The following GDF1 variants were observed in gnomAD, a reference collection of about 807,000 sequenced individuals.
GDF1 encodes growth differentiation factor 1, also known as embryonic growth/differentiation factor 1.
Under a neutral mutation model 7.4 loss-of-function variants are expected in GDF1, and 8 were observed. The ratio of observed to expected loss-of-function variants is 1.09; its 90% CI spans 0.64 to 1.96. The LOEUF (loss-of-function observed/expected upper bound fraction) is 1.96, where lower values mean the gene tolerates loss of function less well. GDF1 is among the 30% of genes most tolerant of loss of function. GDF1 has a pLI of 0.00. For missense variants in GDF1, 574 were observed against 551.5 expected, an observed-to-expected ratio of 1.04 and a Z score of -0.41; for synonymous variants, 311 against 276.7, an observed-to-expected ratio of 1.12 and a Z score of -1.23.
At chr19:18,884,327 T>C in intron 2 of GDF1, 60 bp from the exon 3 acceptor site, 1 of 1,492,828 alleles carries the variant, frequency 6.7e-7, no homozygotes, top group East Asian at 2.4e-5. Context: ...ATCGCCTCCA[T>C]GACCCGGTGA....
At position 18,870,301 on chromosome 19, in the gene GDF1, G is replaced by A; in HGVS notation, c.7C>T (p.Pro3Ser). The change falls in exon 7 of 8, where the codon CCG (proline) becomes TCG (serine). Residue 3 changes from proline to serine, a missense_variant. Coordinates refer to ENST00000247005, the MANE Select transcript of GDF1 (RefSeq NM_001492.6). The surrounding 1 kb of genome is among the most constrained non-coding windows in gnomAD (Gnocchi z 5.1). ...TGGCCGCAGGGACCTTGCTGCGGCG[G>A]TGGCATCTTCCTCCCAGGCGATGAC... MP[P>S]PQQGPCGHHL... 2.6e-6 allele frequency: 4 copies of A among 1,546,346 alleles called. No homozygotes were observed. The highest frequency in any genetic ancestry group is 3.5e-6 in the Non-Finnish European group (4 of 1,146,878).
intron 2 of GDF1, among the ~76,000 whole-genome samples, chr19:18,888,521 A>G (rs1016793227): frequency 1.1e-3 from 61 of 56,456 alleles, no homozygotes; most frequent in Admixed American, 4.7e-3. Context: ...CTGTCTCTTA[A>G]AAAAAAAAAA....
At chr19:18,885,374 TC>T (rs201413706) in intron 2 of GDF1, among the ~76,000 whole-genome samples, 5,687 of 151,892 alleles carry the variant, frequency 0.037, 234 homozygotes, top group Admixed American at 0.046. Flanking sequence ...ATAATTTATT[TC>T]TTTTTTAATT....
intron 2 of GDF1, among the ~76,000 whole-genome samples, chr19:18,892,721 G>A (rs1449436067): frequency 6.6e-6 from 1 of 152,070 alleles, no homozygotes; most frequent in Non-Finnish European, 1.5e-5. Flanking sequence ...CCGGGCCTTT[G>A]CACGTGCTGT....
rs2055942565 is a variant in GDF1, at chr19:18,870,224, G to T, written c.84C>A (p.Arg28=). The T allele has an allele frequency of 6.4e-7, 1 of 1,554,354 alleles. No individual in the cohort carries two copies. The highest frequency in any genetic ancestry group is 1.2e-5 in the South Asian group (1 of 84,996). The part of the protein sequence containing the change: ...ALLLPSLPLT[R]APVPPGPAAA... ...CGGCTGGGCCTGGGGGCACGGGGGC[G>T]CGGGTCAGGGGCAGCGAGGGCAGCA... The change falls in exon 7 of 8, where the codon CGC becomes CGA. Residue 28 remains arginine (R), a synonymous_variant. Transcript: ENST00000247005. This position sits in a 1 kb window ranked among gnomAD's most constrained non-coding sequence, Gnocchi z 5.1.
intron 6 of GDF1, among the ~76,000 whole-genome samples, chr19:18,871,763 G>T (rs1029053160): frequency 5.3e-5 from 8 of 152,214 alleles, no homozygotes; most frequent in Non-Finnish European, 1.2e-4. Flanking sequence ...TCTGAGAGGA[G>T]ATAAGCCTTG....
At chr19:18,893,599 C>A in intron 1 of GDF1, 24 bp from the exon 2 acceptor site, 2 of 1,592,936 alleles carry the variant, frequency 1.3e-6, no homozygotes, top group Non-Finnish European at 1.7e-6. Flanking sequence ...GACAGGCGGG[C>A]AGCCATTGGT....
chr19:18,878,830 G>T lies in GDF1; in HGVS notation c.-313+100C>A, dbSNP rs1263058637. The stretch of plus-strand genomic sequence containing the variant: ...AGGCTTGGGGGGCAGCATCCGCGTC[G>T]GCCTCATCTGCTGCTGGGTCTTGGG... On this transcript the variant is annotated intron_variant, in intron 6 of 7. Transcript: ENST00000247005. The surrounding 1 kb of genome is among the most constrained non-coding windows in gnomAD (Gnocchi z 4.6). 6.6e-7 allele frequency: 1 copy of T among 1,524,946 alleles called. No individual in the cohort carries two copies. The highest frequency in any genetic ancestry group is 1.2e-5 in the South Asian group (1 of 82,082). The allele number at this position is 1,524,946 out of a possible 1,614,324, so 94.5% of individuals were successfully genotyped here.
Position 18,895,788 on chromosome 19 carries a change from CG to C in GDF1, c.-1074+35del. On this transcript the variant is annotated intron_variant, in intron 1 of 7. Coordinates refer to ENST00000247005, the MANE Select transcript of GDF1 (RefSeq NM_001492.6). The surrounding 1 kb of genome is among the most constrained non-coding windows in gnomAD (Gnocchi z 6.4). ...TCCCCGGTCCCGGCTTCCCCCAGTC[CG>C]GGGTCCCCTCGTCCCGGCCCCCGGC... is the stretch of plus-strand genomic sequence containing the variant. 4 of 1,152,354 alleles carry C rather than the reference CG, an allele frequency of 3.5e-6. No homozygotes were observed. Among genetic ancestry groups the C allele is most frequent in the East Asian group, 4.0e-5 (1 of 25,120 alleles). The allele number at this position is 1,152,354 out of a possible 1,614,324, so 71.4% of individuals were successfully genotyped here. A position where few individuals can be genotyped will look rare whatever the true frequency, so the allele number is the denominator to read the frequency against.
chr19:18,889,070 T>G (rs1415187887), intron 2 of GDF1, among the ~76,000 whole-genome samples: 1 of 151,666 alleles, frequency 6.6e-6, no homozygotes. Flanking sequence ...TTTTGTATTT[T>G]TAGTAGAGAC....
Position 18,870,741 on chromosome 19 carries a change from C to T in GDF1, c.-312-122G>A. 2.2e-6 allele frequency: 1 copy of T among 450,516 alleles called. No homozygotes were observed. The highest frequency in any genetic ancestry group is 6.2e-5 in the South Asian group (1 of 16,104). The allele number at this position is 450,516 out of a possible 1,614,324, so 27.9% of individuals were successfully genotyped here. On this transcript the variant is annotated intron_variant, in intron 6 of 7. Coordinates refer to ENST00000247005, the MANE Select transcript of GDF1 (RefSeq NM_001492.6). This position sits in a 1 kb window ranked among gnomAD's most constrained non-coding sequence, Gnocchi z 5.1. ...TCCTTTTACCCGGCCAGGCCCGGGC[C>T]TCGCCTTGTGGCTTCCTCCTCGCCT...
intron 6 of GDF1, among the ~76,000 whole-genome samples, chr19:18,874,193 G>T (rs2056022910): frequency 6.6e-6 from 1 of 152,184 alleles, no homozygotes; most frequent in Non-Finnish European, 1.5e-5. Flanking sequence ...GGACATGTTG[G>T]CCAGATTATC....
rs898455197 is a variant in GDF1, at chr19:18,870,251, C to T, written c.57G>A (p.Leu19=). 1.9e-6 allele frequency: 3 copies of T among 1,553,140 alleles called. No homozygotes were observed. The highest frequency in any genetic ancestry group is 2.0e-5 in the Admixed American group (1 of 51,170). ...GGGTCAGGGGCAGCGAGGGCAGCAG[C>T]AGGGCCAGGAGGAGGAGGAGGTGGT... is the stretch of plus-strand genomic sequence containing the variant. ...CGHHLLLLLA[L]LLPSLPLTRA... The change falls in exon 7 of 8, where the codon CTG becomes CTA. Residue 19 remains leucine (L), a synonymous_variant. Coordinates refer to ENST00000247005, the MANE Select transcript of GDF1 (RefSeq NM_001492.6). The surrounding 1 kb of genome is among the most constrained non-coding windows in gnomAD (Gnocchi z 5.1).
chr19:18,889,185 C>A (rs1228400341), intron 2 of GDF1, among the ~76,000 whole-genome samples: 1 of 152,046 alleles, frequency 6.6e-6, no homozygotes, highest in Non-Finnish European at 1.5e-5. Context: ...AGCCACTGCA[C>A]CCGGCCCACT....
Position 18,870,968 on chromosome 19 carries a change from A to C in GDF1, c.-312-349T>G, listed in dbSNP as rs2055959040. ...TGGGCCTGACAACTCCACCGCCTCC[A>C]CAGTGGGACCCTGCACATCCTCCTC... On this transcript the variant is annotated intron_variant, in intron 6 of 7. Coordinates refer to ENST00000247005, the MANE Select transcript of GDF1 (RefSeq NM_001492.6). This position sits in a 1 kb window ranked among gnomAD's most constrained non-coding sequence, Gnocchi z 5.1. 6.6e-6 allele frequency among the ~76,000 whole-genome samples: 1 copy of C among 151,948 alleles called. No homozygotes were observed. The highest frequency in any genetic ancestry group is 2.4e-5 in the African/African-American group (1 of 41,338).
intron 2 of GDF1, among the ~76,000 whole-genome samples, chr19:18,885,011 C>T (rs1160258881): frequency 6.6e-6 from 1 of 152,004 alleles, no homozygotes. Context: ...CCACCGTGCC[C>T]GGCCAGCAGG....
At chr19:18,874,092 C>G (rs2056021222) in intron 6 of GDF1, among the ~76,000 whole-genome samples, 1 of 152,140 alleles carries the variant, frequency 6.6e-6, no homozygotes, top group Non-Finnish European at 1.5e-5. Context: ...AATAGGCAAG[C>G]TGGGTGAACA....
chr19:18,893,504 G>T lies in GDF1; in HGVS notation c.-1002C>A, dbSNP rs780574756. On this transcript the variant is annotated 5_prime_UTR_variant, in exon 2 of 8. Coordinates refer to ENST00000247005, the MANE Select transcript of GDF1 (RefSeq NM_001492.6). ...TGTAGCTCCAGCTGCCCAGGTAGAA[G>T]AGAAACTTCCAAGCGCTCTCGGGCA... 19 of 1,610,048 alleles carry T rather than the reference G, an allele frequency of 1.2e-5. No individual in the cohort carries two copies. The highest frequency in any genetic ancestry group is 1.6e-5 in the Non-Finnish European group (19 of 1,178,544).
chr19:18,881,553 CCT>C (rs1457263631), intron 3 of GDF1: 2 of 152,094 alleles, frequency 1.3e-5, no homozygotes, highest in East Asian at 3.9e-4. Flanking sequence ...AAGGCCATCC[CCT>C]GTCCTTCCAC....
Sources: gnomAD v4.1 joint callset for allele counts (sites outside exome capture counted in the v4.1 genomes callset) on GRCh38, gnomAD v4.1.1 for gene constraint, Gnocchi (gnomAD v3.1) non-coding constraint, MANE v1.5 for transcripts, NCBI Gene and HGNC (gene_info 2026-07-23, HGNC 2026-07-21) for gene names.